The following MAGI1 variants were observed in gnomAD, a reference collection of about 807,000 sequenced individuals.
MAGI1 encodes membrane-associated guanylate kinase, WW and PDZ domain-containing protein 1.
A neutral mutation model predicts 139.9 loss-of-function variants in MAGI1; 58 were observed. That is an observed-to-expected ratio of 0.41 (90% confidence interval 0.34 to 0.52). MAGI1 has a LOEUF of 0.52. MAGI1 is among the 20% of genes least tolerant of loss of function. The probability of loss-of-function intolerance (pLI) is 0.12; values close to 1 mark genes in which losing one functional copy is unlikely to be tolerated. For missense variants in MAGI1, 1,874 were observed against 1,901.6 expected (o/e 0.99, Z 0.27); for synonymous variants, 812 against 737.9 (o/e 1.10, Z -1.63).
At position 65,619,845 on chromosome 3, in the gene MAGI1, T is replaced by C. The variant is rs946720492; in HGVS notation, c.430+2127A>G. 37 of 984,634 alleles carry C rather than the reference T, an allele frequency of 3.8e-5. No homozygotes were observed. In the African/African-American group the frequency reaches 6.4e-4, roughly 17 times the overall value. 61.0% of individuals were successfully genotyped at this position (984,634 alleles called of 1,614,324 possible). On this transcript the variant is annotated intron_variant, in intron 2 of 22. Transcript: ENST00000402939. ...TTTATGAAGAAAGTGTAAAATGAAT[T>C]GTTACCTGTTTTCTCTTTTAGTAGG...
chr3:65,762,556 C>A (rs2037121143), intron 1 of MAGI1, among the ~76,000 whole-genome samples: 1 of 152,062 alleles, frequency 6.6e-6, no homozygotes. Flanking sequence ...ACTCATTGTT[C>A]ATTTGTTCAT....
chr3:65,883,053 C>T (rs1368255774), intron 1 of MAGI1, among the ~76,000 whole-genome samples: 1 of 152,070 alleles, frequency 6.6e-6, no homozygotes, highest in Non-Finnish European at 1.5e-5. Flanking sequence ...CAGTGGCCTA[C>T]ATCAACAATT....
At chr3:65,808,372 T>G (rs1475624272) in intron 1 of MAGI1, among the ~76,000 whole-genome samples, 1 of 151,758 alleles carries the variant, frequency 6.6e-6, no homozygotes, top group East Asian at 2.0e-4. Context: ...GGTGGCACAC[T>G]CCTGTAATCC....
chr3:65,449,212 A>G (rs1019796897), intron 6 of MAGI1, among the ~76,000 whole-genome samples: 1 of 152,130 alleles, frequency 6.6e-6, no homozygotes, highest in Non-Finnish European at 1.5e-5. Flanking sequence ...AACATGGCAC[A>G]TGTATACATA....
chr3:65,500,139 G>A (rs186413022), intron 2 of MAGI1, among the ~76,000 whole-genome samples: 72 of 152,264 alleles, frequency 4.7e-4, no homozygotes, highest in Admixed American at 2.3e-3. Flanking sequence ...TACTTTACTT[G>A]CCTTACCGAT....
chr3:65,483,456 C>G (rs1575952953), intron 3 of MAGI1, among the ~76,000 whole-genome samples: 1 of 152,222 alleles, frequency 6.6e-6, no homozygotes, highest in East Asian at 1.9e-4. Context: ...AGCAGAAACA[C>G]AAACCTTACA....
Position 65,361,271 on chromosome 3 carries a change from C to T in MAGI1, c.3562G>A (p.Glu1188Lys). 1.2e-6 allele frequency: 2 copies of T among 1,614,190 alleles called. No homozygotes were observed. Among genetic ancestry groups the T allele is most frequent in the Non-Finnish European group, 1.7e-6 (2 of 1,180,016 alleles). ...CTGCGGCCACCATTCTTAATCAGTTCTATAGCTCGAGAATGCTTCATGTTT... is the reference window on the plus strand; with the variant it reads ...CTGCGGCCACCATTCTTAATCAGTTTTATAGCTCGAGAATGCTTCATGTTT... ...TKNMKHSRAI[E>K]LIKNGGRRVR... Residue 1188 changes from glutamate to lysine, a missense_variant, in exon 22 of 23, where the codon GAA becomes AAA. Physicochemically the swap from Glu to Lys is moderately conservative, Grantham distance 56. Coordinates refer to ENST00000402939, the MANE Select transcript of MAGI1 (RefSeq NM_001033057.2).
chr3:65,565,688 C>A (rs2080584438), intron 2 of MAGI1, among the ~76,000 whole-genome samples: 1 of 151,678 alleles, frequency 6.6e-6, no homozygotes, highest in African/African-American at 2.4e-5. Flanking sequence ...GAAACCCTGT[C>A]TCTACTAAAA....
At chr3:65,357,231 G>C in intron 22 of MAGI1, 99 bp from the exon 23 acceptor site, 1 of 1,235,152 alleles carries the variant, frequency 8.1e-7, no homozygotes, top group Non-Finnish European at 1.1e-6. Context: ...GTCACAACAA[G>C]CAAACAACTG....
intron 1 of MAGI1, among the ~76,000 whole-genome samples, chr3:65,981,621 A>C (rs745636318): frequency 5.9e-5 from 9 of 152,194 alleles, no homozygotes; most frequent in African/African-American, 1.9e-4. Flanking sequence ...TGTAGCTCCC[A>C]TAATTCCCAC....
At chr3:66,001,000 T>C (rs1415971516) in intron 1 of MAGI1, among the ~76,000 whole-genome samples, 4 of 152,248 alleles carry the variant, frequency 2.6e-5, no homozygotes, top group Non-Finnish European at 4.4e-5. Context: ...CTTGTCCTGG[T>C]GCTGGAGATA....
At chr3:65,546,233 G>A (rs1576275220) in intron 2 of MAGI1, among the ~76,000 whole-genome samples, 1 of 151,936 alleles carries the variant, frequency 6.6e-6, no homozygotes, top group East Asian at 1.9e-4. Flanking sequence ...AATTATTCTA[G>A]GAACCACTAA....
At chr3:65,901,903 C>G (rs75215251) in intron 1 of MAGI1, among the ~76,000 whole-genome samples, 7 of 151,396 alleles carry the variant, frequency 4.6e-5, no homozygotes, top group Middle Eastern at 3.4e-3. Context: ...AAAATACTTA[C>G]GAGGTTTTAA....
chr3:65,418,159 T>C (rs1469644839), intron 12 of MAGI1, among the ~76,000 whole-genome samples: 1 of 152,168 alleles, frequency 6.6e-6, no homozygotes, highest in Non-Finnish European at 1.5e-5. Flanking sequence ...CTGCTCCAGT[T>C]CCAGCAGACT....
chr3:65,543,062 AAAAC>A (rs1251545966), intron 2 of MAGI1, among the ~76,000 whole-genome samples: 4 of 152,248 alleles, frequency 2.6e-5, no homozygotes, highest in Middle Eastern at 3.4e-3. Flanking sequence ...TAAGAAAAAA[AAAAC>A]AAACAACCCC....
At chr3:65,709,401 T>C (rs946879590) in intron 1 of MAGI1, among the ~76,000 whole-genome samples, 6 of 152,172 alleles carry the variant, frequency 3.9e-5, no homozygotes, top group African/African-American at 1.2e-4. Flanking sequence ...TTTTGTCAAG[T>C]CTCTGTCATT....
At chr3:66,006,229 C>T (rs2067005575) in intron 1 of MAGI1, among the ~76,000 whole-genome samples, 1 of 152,148 alleles carries the variant, frequency 6.6e-6, no homozygotes. Context: ...GTGTGGCTGG[C>T]TGCTATATGA....
chr3:65,727,935 G>A (rs964523623), intron 1 of MAGI1, among the ~76,000 whole-genome samples: 1 of 152,184 alleles, frequency 6.6e-6, no homozygotes, highest in African/African-American at 2.4e-5. Flanking sequence ...GTGACTATAG[G>A]TGGAAATTTG....
At chr3:65,897,825 C>T (rs894031984) in intron 1 of MAGI1, among the ~76,000 whole-genome samples, 8 of 150,500 alleles carry the variant, frequency 5.3e-5, no homozygotes, top group South Asian at 2.1e-4. Context: ...ATAGCACCAC[C>T]GCACTCCAGC....
Sources: gnomAD v4.1 joint callset for allele counts (sites outside exome capture counted in the v4.1 genomes callset) on GRCh38, gnomAD v4.1.1 for gene constraint, MANE v1.5 for transcripts, NCBI Gene and HGNC (gene_info 2026-07-23, HGNC 2026-07-21) for gene names.